Variants in PRPSAP2 observed in about 807,000 individuals in gnomAD.
PRPSAP2 encodes the protein phosphoribosyl pyrophosphate synthase-associated protein 2.
In PRPSAP2, 24 loss-of-function variants were observed where a neutral mutation model predicts 40.6. The ratio of observed to expected loss-of-function variants is 0.59; its 90% CI spans 0.43 to 0.83. PRPSAP2 has a LOEUF of 0.83. Ranked by LOEUF, PRPSAP2 falls within the 40% of genes least tolerant of loss-of-function variation. The probability of loss-of-function intolerance (pLI) is 0.00; values close to 1 mark genes in which losing one functional copy is unlikely to be tolerated. For missense variants in PRPSAP2, 292 were observed against 465.6 expected, an observed-to-expected ratio of 0.63 and a Z score of 3.43; for synonymous variants, 149 against 164.7, an observed-to-expected ratio of 0.90 and a Z score of 0.73.
At chr17:18,916,650 G>A (rs1440880200) in intron 9 of PRPSAP2, among the ~76,000 whole-genome samples, 1 of 152,102 alleles carries the variant, frequency 6.6e-6, no homozygotes, top group Non-Finnish European at 1.5e-5. Flanking sequence ...CCAAAGTACT[G>A]GAATTACAGG....
At chr17:18,909,792 C>G (rs1357298904) in intron 8 of PRPSAP2, among the ~76,000 whole-genome samples, 2 of 151,946 alleles carry the variant, frequency 1.3e-5, no homozygotes, top group Admixed American at 1.3e-4. Context: ...ATAATCCCAG[C>G]TACTTGGGAG....
chr17:18,884,059 A>G (rs966160909), intron 7 of PRPSAP2, among the ~76,000 whole-genome samples: 3 of 152,170 alleles, frequency 2.0e-5, no homozygotes, highest in East Asian at 1.9e-4. Flanking sequence ...ACTTGAGGTC[A>G]GGAGTTCAGA....
At chr17:18,897,456 T>G (rs577942295) in intron 8 of PRPSAP2, among the ~76,000 whole-genome samples, 60 of 151,454 alleles carry the variant, frequency 4.0e-4, no homozygotes, top group African/African-American at 1.1e-3. Flanking sequence ...TATAGTGGTG[T>G]TGTTGTTGTT....
At chr17:18,929,246 A>T (rs998231820) in intron 11 of PRPSAP2, among the ~76,000 whole-genome samples, 5 of 152,018 alleles carry the variant, frequency 3.3e-5, no homozygotes, top group Non-Finnish European at 1.5e-5. Context: ...AATCCCAGCT[A>T]CTTGGGAGGC....
chr17:18,875,056 T>G (rs571334459), intron 5 of PRPSAP2, among the ~76,000 whole-genome samples: 14 of 152,334 alleles, frequency 9.2e-5, no homozygotes, highest in African/African-American at 3.4e-4. Flanking sequence ...TGTTTATTTT[T>G]GTACATTTCA....
chr17:18,900,763 C>T (rs764778883), intron 8 of PRPSAP2, among the ~76,000 whole-genome samples: 14 of 152,092 alleles, frequency 9.2e-5, no homozygotes, highest in Non-Finnish European at 1.9e-4. Flanking sequence ...GGAAATGCTC[C>T]CTCCATGTCC....
intron 11 of PRPSAP2, 93 bp from the exon 12 acceptor site, chr17:18,930,447 A>G: frequency 8.0e-7 from 1 of 1,248,922 alleles, no homozygotes. Flanking sequence ...TGTCGTGGCA[A>G]GCCTCAGATT....
intron 7 of PRPSAP2, among the ~76,000 whole-genome samples, chr17:18,885,793 G>A (rs1248574959): frequency 6.6e-6 from 1 of 152,096 alleles, no homozygotes; most frequent in Non-Finnish European, 1.5e-5. Flanking sequence ...CTCCTTGTTG[G>A]TCAGGCTGGT....
Position 18,911,481 on chromosome 17 carries a change from T to C in PRPSAP2, c.733+230T>C, listed in dbSNP as rs2040955425. ...AAGACCTGTGAAAATGTTTGGACTA[T>C]TGAGACAGTTGCAATGCTTCAGGGA... On this transcript the variant is annotated intron_variant, in intron 9 of 11. Coordinates refer to ENST00000268835, the MANE Select transcript of PRPSAP2 (RefSeq NM_002767.4). The surrounding 1 kb of genome is among the most constrained non-coding windows in gnomAD (Gnocchi z 4.5). Among the ~76,000 whole-genome samples the C allele has an allele frequency of 6.6e-6, 1 of 152,228 alleles. No homozygotes were observed. The highest frequency in any genetic ancestry group is 1.5e-5 in the Non-Finnish European group (1 of 68,040).
At chr17:18,888,811 T>C (rs2039348854) in intron 7 of PRPSAP2, among the ~76,000 whole-genome samples, 1 of 34,404 alleles carries the variant, frequency 2.9e-5, no homozygotes, top group Non-Finnish European at 7.4e-5. Flanking sequence ...GGCTCCTCAC[T>C]TCCCAGTAGG....
At chr17:18,926,547 G>T (rs1007437372) in intron 10 of PRPSAP2, among the ~76,000 whole-genome samples, 2 of 152,036 alleles carry the variant, frequency 1.3e-5, no homozygotes, top group Non-Finnish European at 2.9e-5. Context: ...GATTACAGGC[G>T]CAAGCCACTG....
chr17:18,904,268 T>A (rs1597683297), intron 8 of PRPSAP2: 1 of 152,152 alleles, frequency 6.6e-6, no homozygotes. Context: ...ATTTATTTAT[T>A]TTTTGAGACA....
At chr17:18,897,339 G>A (rs1019876713) in intron 8 of PRPSAP2, among the ~76,000 whole-genome samples, 44 of 152,078 alleles carry the variant, frequency 2.9e-4, no homozygotes, top group African/African-American at 1.0e-3. Flanking sequence ...AACTTCCACA[G>A]TTATGTAAAA....
chr17:18,874,625 C>T (rs1442660632), intron 5 of PRPSAP2, among the ~76,000 whole-genome samples: 1 of 152,198 alleles, frequency 6.6e-6, no homozygotes, highest in African/African-American at 2.4e-5. Flanking sequence ...AGGGCCTTTG[C>T]CACGGTGCCC....
chr17:18,929,744 CTCTT>C (rs1267670169), intron 11 of PRPSAP2: 2 of 152,214 alleles, frequency 1.3e-5, no homozygotes, highest in Non-Finnish European at 2.9e-5. Flanking sequence ...TTTTGTCTCT[CTCTT>C]CGTATTTCAT....
At chr17:18,860,369 T>G (rs1399327439) in intron 1 of PRPSAP2, 3 of 152,234 alleles carry the variant, frequency 2.0e-5, no homozygotes, top group South Asian at 4.1e-4. Context: ...TTTTATACTT[T>G]ATGATGCCTT....
At chr17:18,859,157 A>G (rs1477840951) in intron 1 of PRPSAP2, among the ~76,000 whole-genome samples, 1 of 152,238 alleles carries the variant, frequency 6.6e-6, no homozygotes, top group Non-Finnish European at 1.5e-5. Flanking sequence ...GTTGACCACC[A>G]TCACTGAGCA....
upstream of PRPSAP2, among the ~76,000 whole-genome samples, chr17:18,857,019 G>T (rs974413449): frequency 6.6e-6 from 1 of 152,100 alleles, no homozygotes; most frequent in Non-Finnish European, 1.5e-5. Context: ...AGAAAAAAAG[G>T]CGACAAGGCA....
chr17:18,857,238 G>A (rs940601495), upstream of PRPSAP2, among the ~76,000 whole-genome samples: 2 of 151,938 alleles, frequency 1.3e-5, no homozygotes, highest in Admixed American at 6.6e-5. Context: ...GGGAGGCTGA[G>A]ACAGGAGAAT....
Sources: allele counts gnomAD v4.1 joint callset (sites outside exome capture counted in the v4.1 genomes callset), GRCh38; gene constraint gnomAD v4.1.1; non-coding constraint Gnocchi (gnomAD v3.1); transcripts MANE v1.5; gene names NCBI Gene and HGNC (gene_info 2026-07-23, HGNC 2026-07-21).